JAKMIP1: variants seen among roughly 807,000 people sequenced by gnomAD.
The protein encoded by JAKMIP1 is janus kinase and microtubule interacting protein 1.
Under a neutral mutation model 113.0 loss-of-function variants are expected in JAKMIP1, and 33 were observed. That is an observed-to-expected ratio of 0.29 (90% confidence interval 0.22 to 0.39). The LOEUF is 0.39. JAKMIP1 is among the 10% of genes least tolerant of loss of function. The pLI is 1.00. For synonymous variants in JAKMIP1, 480 were observed against 459.9 expected, an observed-to-expected ratio of 1.04 and a Z score of -0.56; for missense variants, 813 against 1,080.5, an observed-to-expected ratio of 0.75 and a Z score of 3.47.
chr4:6,189,256 G>A (rs967326265), intron 1 of JAKMIP1, among the ~76,000 whole-genome samples: 4 of 152,230 alleles, frequency 2.6e-5, no homozygotes, highest in Non-Finnish European at 4.4e-5. Flanking sequence ...AGGCTGCACC[G>A]TAAGGTAGCG....
At position 6,077,625 on chromosome 4, in the gene JAKMIP1, T is replaced by G. The variant is rs1204767225; in HGVS notation, c.1302+1314A>C. 3.3e-5 allele frequency among the ~76,000 whole-genome samples: 5 copies of G among 151,902 alleles called. No homozygotes were observed. The East Asian group carries it at 9.7e-4, about 30-fold the overall frequency. On this transcript the variant is annotated intron_variant, in intron 8 of 20. Coordinates refer to ENST00000409021, the MANE Select transcript of JAKMIP1 (RefSeq NM_001099433.2). ...CTTCAGCCTCCAAAGTAGCTGGGACTTCAGGTGCCACCACATCCAGCTAAT... is the reference window on the plus strand; with the variant it reads ...CTTCAGCCTCCAAAGTAGCTGGGACGTCAGGTGCCACCACATCCAGCTAAT...
Position 6,040,970 on chromosome 4 carries a change from G to A in JAKMIP1, c.2098-254C>T, listed in dbSNP as rs1714231123. ...TTCCTCCTGCTTCCCTGCCTCTTGG[G>A]TACCTGACTGTAAAGAAGGGACCCA... On this transcript the variant is annotated intron_variant, in intron 17 of 20. Transcript: ENST00000409021. The surrounding 1 kb of genome is among the most constrained non-coding windows in gnomAD (Gnocchi z 5.8). 6.6e-6 allele frequency among the ~76,000 whole-genome samples: 1 copy of A among 152,032 alleles called. No individual in the cohort carries two copies. The highest frequency in any genetic ancestry group is 2.1e-4 in the South Asian group (1 of 4,818).
At position 6,185,205 on chromosome 4, in the gene JAKMIP1, T is replaced by C. The variant is rs1043126850; in HGVS notation, c.-148+15048A>G. On this transcript the variant is annotated intron_variant, in intron 1 of 20. Coordinates refer to ENST00000409021, the MANE Select transcript of JAKMIP1 (RefSeq NM_001099433.2). The surrounding 1 kb of genome is among the most constrained non-coding windows in gnomAD (Gnocchi z 5.3). ...ACCTTGTGATCTTGTGAGTCAATTA[T>C]CCCAATAAACTTCCTTTCATATATA... is the stretch of plus-strand genomic sequence containing the variant. Among the ~76,000 whole-genome samples the C allele has an allele frequency of 1.3e-5, 2 of 152,180 alleles. No homozygotes were observed. Among genetic ancestry groups the C allele is most frequent in the African/African-American group, 4.8e-5 (2 of 41,462 alleles).
chr4:6,170,663 C>CCCAT (rs1724466052), intron 1 of JAKMIP1, among the ~76,000 whole-genome samples: 1 of 150,068 alleles, frequency 6.7e-6, no homozygotes, highest in Non-Finnish European at 1.5e-5. Context: ...ACCACCAATC[C>CCCAT]CACCACCCTT....
intron 3 of JAKMIP1, among the ~76,000 whole-genome samples, chr4:6,101,732 CAAAAAAA>C (rs56084278): frequency 4.1e-5 from 4 of 96,594 alleles, no homozygotes; most frequent in Admixed American, 1.2e-4. Context: ...ACTAAAAATA[CAAAAAAA>C]AAAAAAAAAA....
rs778816797 is a variant in JAKMIP1, at chr4:6,085,591, G to A, written c.663C>T (p.Ala221=). The change falls in exon 4 of 21, where the codon GCC becomes GCT. Residue 221 remains alanine, a synonymous_variant. Transcript: ENST00000409021. ...EIKGKDRVIL[A]LEKELGVQAG... The stretch of plus-strand genomic sequence containing the variant: ...CCTGCACGCCAAGTTCCTTCTCCAA[G>A]GCCAGAATCACACGGTCTTTCCCTT... 5.6e-6 allele frequency: 9 copies of A among 1,614,204 alleles called. No homozygotes were observed. Among genetic ancestry groups the A allele is most frequent in the Non-Finnish European group, 7.6e-6 (9 of 1,180,034 alleles).
intron 1 of JAKMIP1, among the ~76,000 whole-genome samples, chr4:6,198,245 T>C (rs1348640747): frequency 6.6e-6 from 1 of 152,160 alleles, no homozygotes; most frequent in East Asian, 1.9e-4. Flanking sequence ...ATCACACTGA[T>C]GGAACCTGAG....
In JAKMIP1 at chr4:6,069,853, G is replaced by A. The variant is rs575090792; in HGVS notation, c.1303-4845C>T. Among the ~76,000 whole-genome samples the A allele has an allele frequency of 1.2e-4, 18 of 152,216 alleles. No homozygotes were observed. In the South Asian group the frequency reaches 1.2e-3, roughly 11 times the overall value. On this transcript the variant is annotated intron_variant, in intron 8 of 20. Transcript: ENST00000409021. The surrounding 1 kb of genome is among the most constrained non-coding windows in gnomAD (Gnocchi z 4.5). The stretch of plus-strand genomic sequence containing the variant: ...ATATACAGAGGTGCTCTTCCTCAGC[G>A]GGTCAGATGAAGCAGAGGGAAAAAG...
chr4:6,080,397 G>A lies in JAKMIP1; in HGVS notation c.1102-85C>T. 2 of 1,486,198 alleles carry A rather than the reference G, an allele frequency of 1.3e-6. No individual in the cohort carries two copies. The highest frequency in any genetic ancestry group is 1.8e-4 in the Middle Eastern group (1 of 5,554). The allele number at this position is 1,486,198 out of a possible 1,614,324, so 92.1% of individuals were successfully genotyped here. On this transcript the variant is annotated intron_variant, in intron 6 of 20. Transcript: ENST00000409021. This position sits in a 1 kb window ranked among gnomAD's most constrained non-coding sequence, Gnocchi z 6.0. ...CAGTGCTGGAGTGGAGCTCAGGGGT[G>A]CAGGGACAGAAGGATGGATGGGAGG... is the stretch of plus-strand genomic sequence containing the variant.
At chr4:6,195,863 C>A (rs1455670177) in intron 1 of JAKMIP1, among the ~76,000 whole-genome samples, 1 of 152,252 alleles carries the variant, frequency 6.6e-6, no homozygotes, top group Non-Finnish European at 1.5e-5. Flanking sequence ...CAGTCTGGCA[C>A]AAATGCAGCC....
In JAKMIP1 at chr4:6,094,923, G is replaced by A. The variant is rs1722597122; in HGVS notation, c.625-9294C>T. ...TGCTTGAGCCTGGAAGGTAGAGGCT[G>A]CAGTGAGCTGTGATTGCACCACTGC... On this transcript the variant is annotated intron_variant, in intron 3 of 20. Coordinates refer to ENST00000409021, the MANE Select transcript of JAKMIP1 (RefSeq NM_001099433.2). The surrounding 1 kb of genome is among the most constrained non-coding windows in gnomAD (Gnocchi z 4.2). Among the ~76,000 whole-genome samples the A allele has an allele frequency of 6.6e-6, 1 of 152,032 alleles. No homozygotes were observed. Among genetic ancestry groups the A allele is most frequent in the Non-Finnish European group, 1.5e-5 (1 of 68,020 alleles).
At chr4:6,098,043 T>A (rs1399005094) in intron 3 of JAKMIP1, among the ~76,000 whole-genome samples, 1 of 152,160 alleles carries the variant, frequency 6.6e-6, no homozygotes, top group Non-Finnish European at 1.5e-5. Context: ...TTCGAGAACA[T>A]GGTTCTGATA....
In JAKMIP1 at chr4:6,088,136, C is replaced by G. The variant is rs1426205314; in HGVS notation, c.625-2507G>C. ...CTGAGCTGAGCGCTATCAGTGGGTG[C>G]TGAGAAACATTAGAGAGCAAAAGAG... On this transcript the variant is annotated intron_variant, in intron 3 of 20. Transcript: ENST00000409021. The surrounding 1 kb of genome is among the most constrained non-coding windows in gnomAD (Gnocchi z 5.5). Among the ~76,000 whole-genome samples, 2 of 152,178 alleles carry G rather than the reference C, an allele frequency of 1.3e-5. No individual in the cohort carries two copies. The highest frequency in any genetic ancestry group is 2.9e-5 in the Non-Finnish European group (2 of 68,032).
Position 6,143,549 on chromosome 4 carries a change from C to T in JAKMIP1, c.-147-30552G>A, listed in dbSNP as rs567749663. ...ACCTGGCCTCTTTCAGTTATGCCTC[C>T]AGCCCCTGGATAATATTTTTAAACT... On this transcript the variant is annotated intron_variant, in intron 1 of 20. Coordinates refer to ENST00000409021, the MANE Select transcript of JAKMIP1 (RefSeq NM_001099433.2). The surrounding 1 kb of genome is among the most constrained non-coding windows in gnomAD (Gnocchi z 4.9). Among the ~76,000 whole-genome samples the T allele has an allele frequency of 1.3e-5, 2 of 152,342 alleles. No homozygotes were observed. Among genetic ancestry groups the T allele is most frequent in the East Asian group, 3.9e-4 (2 of 5,182 alleles).
chr4:6,089,853 C>T lies in JAKMIP1; in HGVS notation c.625-4224G>A, dbSNP rs775222736. 2.6e-5 allele frequency among the ~76,000 whole-genome samples: 4 copies of T among 152,082 alleles called. No homozygotes were observed. Among genetic ancestry groups the T allele is most frequent in the Non-Finnish European group, 2.9e-5 (2 of 68,028 alleles). On this transcript the variant is annotated intron_variant, in intron 3 of 20. Coordinates refer to ENST00000409021, the MANE Select transcript of JAKMIP1 (RefSeq NM_001099433.2). The surrounding 1 kb of genome is among the most constrained non-coding windows in gnomAD (Gnocchi z 5.3). Reference sequence around the variant, plus strand: ...CGAAAATCAGAATGTCACCTTACTTCGAAATAGGGCCTTTGCAGATGAAAT... The same window carrying T: ...CGAAAATCAGAATGTCACCTTACTTTGAAATAGGGCCTTTGCAGATGAAAT...
chr4:6,070,300 T>A, intron 8 of JAKMIP1: 1 of 388,680 alleles, frequency 2.6e-6, no homozygotes, highest in East Asian at 3.6e-5. Flanking sequence ...CCCTTTCCTC[T>A]AACACACCCG....
Position 6,059,523 on chromosome 4 carries a change from G to T in JAKMIP1, c.1644+901C>A, listed in dbSNP as rs1348903722. Reference sequence around the variant, plus strand: ...CATAGATGCCTCTCTGCAGGCAGGGGTGGGGGCCACCAGACACTCCGTCTG... The same window carrying T: ...CATAGATGCCTCTCTGCAGGCAGGGTTGGGGGCCACCAGACACTCCGTCTG... On this transcript the variant is annotated intron_variant, in intron 11 of 20. Transcript: ENST00000409021. This position sits in a 1 kb window ranked among gnomAD's most constrained non-coding sequence, Gnocchi z 4.8. Among the ~76,000 whole-genome samples, 2 of 152,092 alleles carry T rather than the reference G, an allele frequency of 1.3e-5. No individual in the cohort carries two copies. The highest frequency in any genetic ancestry group is 2.9e-5 in the Non-Finnish European group (2 of 68,010).
intron 13 of JAKMIP1, among the ~76,000 whole-genome samples, chr4:6,052,504 G>A (rs1715784733): frequency 6.6e-6 from 1 of 151,960 alleles, no homozygotes; most frequent in Non-Finnish European, 1.5e-5. Flanking sequence ...AAATTAGCTG[G>A]GTGAGGAGGT....
intron 8 of JAKMIP1, among the ~76,000 whole-genome samples, chr4:6,066,431 C>G (rs1403658559): frequency 6.6e-6 from 1 of 152,134 alleles, no homozygotes; most frequent in South Asian, 2.1e-4. Flanking sequence ...CACTGCATCA[C>G]CCCTCCCACA....
Sources: gnomAD v4.1 joint callset for allele counts (sites outside exome capture counted in the v4.1 genomes callset) on GRCh38, gnomAD v4.1.1 for gene constraint, Gnocchi (gnomAD v3.1) non-coding constraint, MANE v1.5 for transcripts, NCBI Gene and HGNC (gene_info 2026-07-23, HGNC 2026-07-21) for gene names.